ARMH3: variants seen among roughly 807,000 people sequenced by gnomAD.
ARMH3 encodes armadillo-like helical domain-containing protein 3.
A neutral mutation model predicts 99.1 loss-of-function variants in ARMH3; 60 were observed. The observed-to-expected ratio is 0.61, with a 90% CI of 0.49 to 0.75. The LOEUF is 0.75. Ranked by LOEUF, ARMH3 falls within the 30% of genes least tolerant of loss-of-function variation. The pLI is 0.00. For synonymous variants in ARMH3, 285 were observed against 292.8 expected (o/e 0.97, Z 0.27); for missense variants, 679 against 843.1 (o/e 0.81, Z 2.41).
At chr10:101,967,753 G>A (rs1043448091) in intron 20 of ARMH3, among the ~76,000 whole-genome samples, 3 of 152,016 alleles carry the variant, frequency 2.0e-5, no homozygotes, top group East Asian at 1.9e-4. Context: ...AGCAGGGGGC[G>A]GGGAACAACT....
chr10:101,966,205 A>C (rs1845532347), intron 20 of ARMH3, among the ~76,000 whole-genome samples: 1 of 147,886 alleles, frequency 6.8e-6, no homozygotes. Flanking sequence ...TCCCGGGTTC[A>C]AGCGATTCTT....
chr10:101,936,284 G>A (rs1258620538), intron 23 of ARMH3, among the ~76,000 whole-genome samples: 1 of 151,986 alleles, frequency 6.6e-6, no homozygotes, highest in Non-Finnish European at 1.5e-5. Flanking sequence ...ACGAGGTCAG[G>A]AGTTCGAGAC....
chr10:101,975,049 T>TAAAAAAA (rs11399489), intron 20 of ARMH3, among the ~76,000 whole-genome samples, 163 bp downstream of exon 20: 17 of 29,630 alleles, frequency 5.7e-4, no homozygotes, highest in Admixed American at 1.3e-3. Flanking sequence ...AGCTAAAACG[T>TAAAAAAA]AAAAAAAAAA....
At position 101,948,176 on chromosome 10, in the gene ARMH3, C is replaced by T. The variant is rs554008222; in HGVS notation, c.1706-8238G>A. Among the ~76,000 whole-genome samples the T allele has an allele frequency of 2.0e-5, 3 of 152,120 alleles. No homozygotes were observed. The East Asian group carries it at 5.8e-4, about 29-fold the overall frequency. ...TTATCAGACTGGATAATAAACACGACCCAACTGTAAGCTGTGTACAAGACA... is the reference window on the plus strand; with the variant it reads ...TTATCAGACTGGATAATAAACACGATCCAACTGTAAGCTGTGTACAAGACA... On this transcript the variant is annotated intron_variant, in intron 22 of 25. Coordinates refer to ENST00000370033, the MANE Select transcript of ARMH3 (RefSeq NM_024541.3).
chr10:101,900,053 T>C (rs550385030), intron 23 of ARMH3, among the ~76,000 whole-genome samples: 57 of 152,334 alleles, frequency 3.7e-4, no homozygotes, highest in African/African-American at 1.2e-3. Context: ...ATTCCCCTTA[T>C]GTCTACTTTT....
chr10:101,972,256 C>T (rs1156939030), intron 20 of ARMH3, among the ~76,000 whole-genome samples: 3 of 152,120 alleles, frequency 2.0e-5, no homozygotes, highest in African/African-American at 7.2e-5. Flanking sequence ...TACAGTCAAA[C>T]AGCATAGAAA....
rs1485256786 is a variant in ARMH3, at chr10:101,992,132, T to G, written c.1276-94A>C. 9 of 1,016,652 alleles carry G rather than the reference T, an allele frequency of 8.9e-6. No individual in the cohort carries two copies. The Admixed American group carries it at 1.4e-4, about 16-fold the overall frequency. 63.0% of individuals were successfully genotyped at this position (1,016,652 alleles called of 1,614,324 possible). Reference sequence around the variant, plus strand: ...ATGTTCCTTGTGCAAATAAAATCACTATTACAGGGATACTTCCTTTTCTTT... The same window carrying G: ...ATGTTCCTTGTGCAAATAAAATCACGATTACAGGGATACTTCCTTTTCTTT... On this transcript the variant is annotated intron_variant, in intron 17 of 25. Coordinates refer to ENST00000370033, the MANE Select transcript of ARMH3 (RefSeq NM_024541.3).
chr10:101,864,429 A>G (rs1589926882), intron 24 of ARMH3, among the ~76,000 whole-genome samples: 4 of 152,314 alleles, frequency 2.6e-5, no homozygotes, highest in African/African-American at 7.2e-5. Flanking sequence ...TGCTACTATA[A>G]AGACACATGC....
intron 20 of ARMH3, among the ~76,000 whole-genome samples, chr10:101,961,698 A>T (rs541890126): frequency 6.6e-6 from 1 of 152,194 alleles, no homozygotes; most frequent in African/African-American, 2.4e-5. Flanking sequence ...ATACACACAC[A>T]TTTTTAGAAA....
chr10:101,979,726 A>G (rs2135945711), intron 19 of ARMH3, among the ~76,000 whole-genome samples: 1 of 152,350 alleles, frequency 6.6e-6, no homozygotes, highest in Non-Finnish European at 1.5e-5. Context: ...TTCATTTCAT[A>G]TATTCTATAA....
Position 101,863,134 on chromosome 10 carries a change from C to T in ARMH3, c.1861-13242G>A, listed in dbSNP as rs559021615. 3.9e-5 allele frequency among the ~76,000 whole-genome samples: 6 copies of T among 152,212 alleles called. No homozygotes were observed. In the East Asian group the frequency reaches 7.7e-4, roughly 20 times the overall value. Reference sequence around the variant, plus strand: ...AGGAGAATAGCTTGAATCCGGGAGGCGGAGGTTGCGGTGAGCCAAGATCAC... The same window carrying T: ...AGGAGAATAGCTTGAATCCGGGAGGTGGAGGTTGCGGTGAGCCAAGATCAC... On this transcript the variant is annotated intron_variant, in intron 24 of 25. Transcript: ENST00000370033.
intron 20 of ARMH3, among the ~76,000 whole-genome samples, chr10:101,969,757 A>G (rs1353222189): frequency 6.6e-6 from 1 of 152,172 alleles, no homozygotes; most frequent in Non-Finnish European, 1.5e-5. Flanking sequence ...TCCTGCAGGC[A>G]AGCAAATGTT....
intron 24 of ARMH3, among the ~76,000 whole-genome samples, chr10:101,866,720 G>T (rs2067013463): frequency 6.6e-6 from 1 of 152,144 alleles, no homozygotes; most frequent in Admixed American, 6.5e-5. Context: ...GGAAGGTGAA[G>T]AATTTAAAGC....
chr10:102,054,405 A>G (rs2067787050), intron 1 of ARMH3, among the ~76,000 whole-genome samples: 1 of 151,872 alleles, frequency 6.6e-6, no homozygotes, highest in Admixed American at 6.6e-5. Flanking sequence ...AAAAAAAAAA[A>G]GTTGAACAAT....
intron 19 of ARMH3, among the ~76,000 whole-genome samples, chr10:101,986,862 C>T (rs1416280513): frequency 2.6e-5 from 4 of 152,132 alleles, no homozygotes; most frequent in Admixed American, 1.3e-4. Context: ...GAGGGTGGGA[C>T]CTTCTGCCCA....
chr10:101,929,330 A>G (rs1843630379), intron 23 of ARMH3, among the ~76,000 whole-genome samples: 1 of 152,268 alleles, frequency 6.6e-6, no homozygotes, highest in Non-Finnish European at 1.5e-5. Flanking sequence ...GGAATAAAGC[A>G]GGATCTAAAA....
intron 8 of ARMH3, among the ~76,000 whole-genome samples, chr10:102,023,061 C>CCTGTAATA (rs2136165786): frequency 6.6e-6 from 1 of 152,116 alleles, no homozygotes; most frequent in Admixed American, 6.5e-5. Flanking sequence ...ATGCCGCATG[C>CCTGTAATA]CTGTAATCCC....
intron 20 of ARMH3, among the ~76,000 whole-genome samples, chr10:101,959,374 A>G (rs1397733910): frequency 6.6e-6 from 1 of 152,218 alleles, no homozygotes; most frequent in Non-Finnish European, 1.5e-5. Flanking sequence ...TTAATGATAT[A>G]CTACCTGACA....
chr10:101,934,668 C>T (rs1483595745), intron 23 of ARMH3, among the ~76,000 whole-genome samples: 5 of 152,090 alleles, frequency 3.3e-5, no homozygotes, highest in African/African-American at 7.2e-5. Flanking sequence ...ATTTTGAACT[C>T]GGTCCTAATA....
Sources: gnomAD v4.1 joint callset for allele counts (sites outside exome capture counted in the v4.1 genomes callset) on GRCh38, gnomAD v4.1.1 for gene constraint, MANE v1.5 for transcripts, NCBI Gene and HGNC (gene_info 2026-07-23, HGNC 2026-07-21) for gene names.